The following CDC14A variants were observed in gnomAD, a reference collection of about 807,000 sequenced individuals.
CDC14A encodes the protein cell division cycle 14A.
Under a neutral mutation model 74.4 loss-of-function variants are expected in CDC14A, and 53 were observed. The ratio of observed to expected loss-of-function variants is 0.71; its 90% CI spans 0.57 to 0.89. CDC14A has a LOEUF of 0.89. Among genes scored for constraint, CDC14A ranks in the 40% least tolerant of loss-of-function variants. The pLI is 0.00. For missense variants in CDC14A, 646 were observed against 713.7 expected, an observed-to-expected ratio of 0.91 and a Z score of 1.08; for synonymous variants, 247 against 258.4, an observed-to-expected ratio of 0.96 and a Z score of 0.43.
intron 4 of CDC14A, among the ~76,000 whole-genome samples, chr1:100,410,189 G>T (rs2030053): frequency 0.088 from 13,291 of 150,876 alleles, 2,031 homozygotes; most frequent in African/African-American, 0.31. Context: ...TCCAGCCTGG[G>T]TGACTGAGTA....
intron 7 of CDC14A, among the ~76,000 whole-genome samples, chr1:100,445,991 C>T (rs2101143109): frequency 6.6e-6 from 1 of 152,314 alleles, no homozygotes; most frequent in East Asian, 1.9e-4. Context: ...TCTTTTCTGA[C>T]AATCTGTGGG....
At position 100,508,521 on chromosome 1, in the gene CDC14A, T is replaced by G. The variant is rs1246360923; in HGVS notation, c.1755+9259T>G. On this transcript the variant is annotated intron_variant, in intron 15 of 15. Coordinates refer to ENST00000336454, the MANE Select transcript of CDC14A (RefSeq NM_003672.4). This position sits in a 1 kb window ranked among gnomAD's most constrained non-coding sequence, Gnocchi z 4.4. ...TCCTCTTTCTCTCTCTGTTTTTCCC[T>G]CCTCGTCTGCTGGCCTTCTTGTTGG... Among the ~76,000 whole-genome samples the G allele has an allele frequency of 2.6e-5, 4 of 152,154 alleles. No homozygotes were observed. Among genetic ancestry groups the G allele is most frequent in the Non-Finnish European group, 5.9e-5 (4 of 68,006 alleles).
chr1:100,352,017 C>CGCGCG (rs1553167140), upstream of CDC14A, among the ~76,000 whole-genome samples: 19 of 151,024 alleles, frequency 1.3e-4, no homozygotes, highest in South Asian at 2.1e-4. Context: ...CGCGCGCGCG[C>CGCGCG]CCTACAAGAG....
chr1:100,485,572 A>G (rs1669945767), intron 11 of CDC14A, among the ~76,000 whole-genome samples: 1 of 152,168 alleles, frequency 6.6e-6, no homozygotes, highest in African/African-American at 2.4e-5. Flanking sequence ...AAAAAAGTAA[A>G]AAAGAAAAAA....
At chr1:100,347,251 T>G (rs1006801470) in intron 1 of CDC14A, among the ~76,000 whole-genome samples, 1 of 152,218 alleles carries the variant, frequency 6.6e-6, no homozygotes, top group African/African-American at 2.4e-5. Context: ...GGGAAATCAG[T>G]TACCTCCTTC....
In CDC14A at chr1:100,430,541, C is replaced by T. The variant is rs137957896; in HGVS notation, c.389+6240C>T. On this transcript the variant is annotated intron_variant, in intron 5 of 15. Transcript: ENST00000336454. ...GAACTTGTAGGTCTTTAAACAAAGG[C>T]TCAAAAGGGTCAACCACTGTAGGTC... is the stretch of plus-strand genomic sequence containing the variant. 2.8e-3 allele frequency among the ~76,000 whole-genome samples: 419 copies of T among 152,240 alleles called. 3 individuals are homozygous for T. The highest frequency in any genetic ancestry group is 9.6e-3 in the African/African-American group (397 of 41,532).
intron 9 of CDC14A, 43 bp downstream of exon 9, chr1:100,462,924 G>A (rs572118059): frequency 6.8e-7 from 1 of 1,472,220 alleles, no homozygotes; most frequent in African/African-American, 1.4e-5. Context: ...CTTATCGAAG[G>A]GGCGGGCCAA....
rs964515797 is a variant in CDC14A, at chr1:100,437,532, A to G, written c.390-2400A>G. 4.6e-5 allele frequency among the ~76,000 whole-genome samples: 7 copies of G among 152,172 alleles called. No individual in the cohort carries two copies. In the East Asian group the frequency reaches 1.3e-3, roughly 29 times the overall value. On this transcript the variant is annotated intron_variant, in intron 5 of 15. Transcript: ENST00000336454. ...ATGACTAAATTCTATTGCATTCCTT[A>G]TTAGATTTCAATTTGTAAACTTCTC...
At chr1:100,455,062 A>G (rs369055440) in intron 7 of CDC14A, among the ~76,000 whole-genome samples, 1 of 145,150 alleles carries the variant, frequency 6.9e-6, no homozygotes, top group South Asian at 2.1e-4. Flanking sequence ...GAAAGTTTTC[A>G]TATTTCCCAT....
At position 100,499,199 on chromosome 1, in the gene CDC14A, C is replaced by T; in HGVS notation, c.1692C>T (p.Ile564=). 6.2e-7 allele frequency: 1 copy of T among 1,614,180 alleles called. No individual in the cohort carries two copies. The highest frequency in any genetic ancestry group is 8.5e-7 in the Non-Finnish European group (1 of 1,180,018). Residue 564 remains isoleucine, a synonymous_variant, in exon 15 of 16, where the codon ATC becomes ATT. Transcript: ENST00000336454. The part of the protein sequence containing the change: ...HSAKTEEHTT[I]LRPSYTGLSS... ...CCAAGACAGAGGAGCACACCACCAT[C>T]CTCCGACCCTCCTACACCGGGCTTT... is the stretch of plus-strand genomic sequence containing the variant.
At position 100,429,234 on chromosome 1, in the gene CDC14A, T is replaced by TAAATAAATAAATAAATAAAAAAAA. The variant is rs60569646; in HGVS notation, c.389+4934_389+4935insAATAAATAAATAAATAAAAAAAAA. Among the ~76,000 whole-genome samples, 214 of 146,494 alleles carry TAAATAAATAAATAAATAAAAAAAA rather than the reference T, an allele frequency of 1.5e-3. 1 individual carries two copies. Among genetic ancestry groups the TAAATAAATAAATAAATAAAAAAAA allele is most frequent in the Middle Eastern group, 3.5e-3 (1 of 286 alleles). ...ATAAATAAATAAATAAATAAATAAATATAAAATAAAATGACATATACAATT... is the reference window on the plus strand; with the variant it reads ...ATAAATAAATAAATAAATAAATAAATAAATAAATAAATAAATAAAAAAAAATAAAATAAAATGACATATACAATT... On this transcript the variant is annotated intron_variant, in intron 5 of 15. Coordinates refer to ENST00000336454, the MANE Select transcript of CDC14A (RefSeq NM_003672.4).
chr1:100,490,985 G>T (rs1670555689), intron 11 of CDC14A, among the ~76,000 whole-genome samples: 1 of 152,160 alleles, frequency 6.6e-6, no homozygotes, highest in South Asian at 2.1e-4. Context: ...ATATGTGGAA[G>T]ATGACTTTAA....
chr1:100,399,942 G>A (rs1257889393), intron 4 of CDC14A, among the ~76,000 whole-genome samples: 1 of 151,892 alleles, frequency 6.6e-6, no homozygotes, highest in Non-Finnish European at 1.5e-5. Flanking sequence ...ATCAGTCCAA[G>A]TTTCTGTAAA....
chr1:100,459,969 C>A (rs2101207901), intron 8 of CDC14A, among the ~76,000 whole-genome samples: 1 of 152,262 alleles, frequency 6.6e-6, no homozygotes, highest in East Asian at 1.9e-4. Context: ...GGAGTCTTAA[C>A]AGATAGAATC....
chr1:100,482,083 A>T (rs1305128940), intron 10 of CDC14A, among the ~76,000 whole-genome samples: 1 of 152,174 alleles, frequency 6.6e-6, no homozygotes, highest in African/African-American at 2.4e-5. Flanking sequence ...CTTTCCAGAG[A>T]TGGGACAGAT....
intron 8 of CDC14A, 106 bp downstream of exon 8, chr1:100,455,598 A>C (rs1666607267): frequency 5.8e-6 from 4 of 694,726 alleles, no homozygotes; most frequent in Non-Finnish European, 9.8e-6. Context: ...TCTCCAAAGA[A>C]TATTTATTCA....
At chr1:100,450,280 C>T (rs544347961) in intron 7 of CDC14A, among the ~76,000 whole-genome samples, 1 of 152,282 alleles carries the variant, frequency 6.6e-6, no homozygotes, top group Admixed American at 6.5e-5. Context: ...GGGTCAAGAG[C>T]AGGAGTCAAT....
chr1:100,364,383 T>C (rs759813632), intron 2 of CDC14A, among the ~76,000 whole-genome samples: 15 of 145,430 alleles, frequency 1.0e-4, no homozygotes, highest in Admixed American at 5.5e-4. Context: ...AATTTTTGTA[T>C]TTTTTTTTTT....
intron 8 of CDC14A, 29 bp from the exon 9 acceptor site, chr1:100,462,622 T>C (rs1667420203): frequency 3.2e-6 from 5 of 1,546,972 alleles, no homozygotes; most frequent in Admixed American, 1.7e-5. Context: ...AATGCATGCC[T>C]TTTGCTTACT....
Sources: allele counts gnomAD v4.1 joint callset (sites outside exome capture counted in the v4.1 genomes callset), GRCh38; gene constraint gnomAD v4.1.1; non-coding constraint Gnocchi (gnomAD v3.1); transcripts MANE v1.5; gene names NCBI Gene and HGNC (gene_info 2026-07-23, HGNC 2026-07-21).